The following PCDHGB4 variants were observed in gnomAD, a reference collection of about 807,000 sequenced individuals.
PCDHGB4 encodes the protein protocadherin gamma-B4.
Under a neutral mutation model 60.5 loss-of-function variants are expected in PCDHGB4, and 38 were observed. That is an observed-to-expected ratio of 0.63 (90% CI 0.48 to 0.82). PCDHGB4 has a LOEUF of 0.82. Among genes scored for constraint, PCDHGB4 ranks in the 40% least tolerant of loss-of-function variants. The pLI is 0.00. For missense variants in PCDHGB4, 1,109 were observed against 1,209.6 expected, an observed-to-expected ratio of 0.92 and a Z score of 1.23; for synonymous variants, 456 against 509.7, an observed-to-expected ratio of 0.89 and a Z score of 1.42.
chr5:141,402,422 T>C (rs1385083470), intron 1 of PCDHGB4, among the ~76,000 whole-genome samples: 2 of 151,998 alleles, frequency 1.3e-5, no homozygotes, highest in African/African-American at 2.4e-5. Context: ...CAGAAAAAAT[T>C]GAAGCATCAT....
chr5:141,431,206 G>A lies in PCDHGB4; in HGVS notation c.2397+40925G>A, dbSNP rs17097300. On this transcript the variant is annotated intron_variant, in intron 1 of 3. Coordinates refer to ENST00000519479, the MANE Select transcript of PCDHGB4 (RefSeq NM_003736.4). The surrounding 1 kb of genome is among the most constrained non-coding windows in gnomAD (Gnocchi z 4.8). ...AAATTAGTGAAAATGCAGCCACTGA[G>A]ATGCGGTTCCCTCTACCCCACGCCT... The A allele has an allele frequency of 0.041, 66,767 of 1,614,172 alleles. 3,763 individuals carry two copies. Among genetic ancestry groups the A allele is most frequent in the Admixed American group, 0.27 (16,026 of 60,028 alleles).
At chr5:141,457,736 T>G (rs1265562501) in intron 1 of PCDHGB4, among the ~76,000 whole-genome samples, 1 of 152,254 alleles carries the variant, frequency 6.6e-6, no homozygotes, top group African/African-American at 2.4e-5. Flanking sequence ...AGATTAGACT[T>G]TTAAAGCTGA....
At position 141,389,893 on chromosome 5, in the gene PCDHGB4, T is replaced by C. The variant is rs764580902; in HGVS notation, c.2009T>C (p.Leu670Pro). The change falls in exon 1 of 4, where the codon CTG (leucine) becomes CCG (proline). Residue 670 changes from leucine to proline, a missense_variant. Transcript: ENST00000519479. Reference sequence around the variant, plus strand: ...TTCGCCGACAGCTTGCAGGAGGTGCTGCCGGATATCACTGACCGCCCCGAC... The same window carrying C: ...TTCGCCGACAGCTTGCAGGAGGTGCCGCCGGATATCACTGACCGCCCCGAC... The part of the protein sequence containing the change: ...LVFADSLQEV[L>P]PDITDRPDPS... 2.9e-5 allele frequency: 46 copies of C among 1,613,976 alleles called. No individual in the cohort carries two copies. The highest frequency in any genetic ancestry group is 3.6e-5 in the Non-Finnish European group (43 of 1,179,916).
intron 1 of PCDHGB4, chr5:141,396,643 A>C (rs1271446592): frequency 6.6e-6 from 1 of 152,180 alleles, no homozygotes; most frequent in Admixed American, 6.5e-5. Context: ...ACTAATATTA[A>C]TAGTAAAAAC....
intron 1 of PCDHGB4, among the ~76,000 whole-genome samples, chr5:141,468,754 T>C (rs1205525962): frequency 6.6e-6 from 1 of 152,036 alleles, no homozygotes; most frequent in Admixed American, 6.6e-5. Flanking sequence ...TAGTCCCAGC[T>C]ACTCGGGAGG....
At chr5:141,510,824 A>G (rs947400590) in intron 3 of PCDHGB4, 123 bp from the exon 4 acceptor site, 2 of 1,563,416 alleles carry the variant, frequency 1.3e-6, no homozygotes, top group Non-Finnish European at 1.7e-6. Flanking sequence ...CTATATTCCC[A>G]GTGCTCAGCG....
chr5:141,391,744 C>T (rs559357798), intron 1 of PCDHGB4: 1 of 152,230 alleles, frequency 6.6e-6, no homozygotes, highest in South Asian at 2.1e-4. Context: ...TCATACTTAT[C>T]CTTTGGCTTC....
At position 141,487,488 on chromosome 5, in the gene PCDHGB4, G is replaced by A; in HGVS notation, c.2398-7319G>A. ...GATGTGGGAGGCCACTCTCATGGCT[G>A]TACACCCTTGGCTTCTGCACCCACT... On this transcript the variant is annotated intron_variant, in intron 1 of 3. Transcript: ENST00000519479. This position sits in a 1 kb window ranked among gnomAD's most constrained non-coding sequence, Gnocchi z 5.0. The A allele has an allele frequency of 6.2e-7, 1 of 1,614,204 alleles. No homozygotes were observed. The highest frequency in any genetic ancestry group is 8.5e-7 in the Non-Finnish European group (1 of 1,180,038).
intron 1 of PCDHGB4, chr5:141,419,490 C>G (rs2096390495): frequency 8.1e-6 from 13 of 1,612,414 alleles, no homozygotes; most frequent in Non-Finnish European, 1.1e-5. Context: ...GCGCTCAGCG[C>G]CAATGTGAGC....
chr5:141,431,719 A>G lies in PCDHGB4; in HGVS notation c.2397+41438A>G. On this transcript the variant is annotated intron_variant, in intron 1 of 3. Transcript: ENST00000519479. This position sits in a 1 kb window ranked among gnomAD's most constrained non-coding sequence, Gnocchi z 4.8. ...CAGGATTCTACCAGATGGAAGTGCA[A>G]GCAATGGATAATGCAGGATATTCTG... 6.2e-7 allele frequency: 1 copy of G among 1,614,244 alleles called. No individual in the cohort carries two copies. Among genetic ancestry groups the G allele is most frequent in the Non-Finnish European group, 8.5e-7 (1 of 1,180,050 alleles).
At chr5:141,395,147 G>A in intron 1 of PCDHGB4, 1 of 1,614,210 alleles carries the variant, frequency 6.2e-7, no homozygotes, top group Non-Finnish European at 8.5e-7. Flanking sequence ...ACGCAGACAT[G>A]CTCATCAGTC....
intron 1 of PCDHGB4, chr5:141,394,196 C>G (rs760903381): frequency 2.7e-5 from 44 of 1,613,792 alleles, no homozygotes; most frequent in African/African-American, 4.0e-5. Flanking sequence ...CAGCGTATAT[C>G]CTAGAGAACA....
In PCDHGB4 at chr5:141,489,423, C is replaced by A. The variant is rs754178145; in HGVS notation, c.2398-5384C>A. 7.4e-6 allele frequency: 12 copies of A among 1,613,982 alleles called. No homozygotes were observed. Among genetic ancestry groups the A allele is most frequent in the Non-Finnish European group, 1.0e-5 (12 of 1,180,044 alleles). On this transcript the variant is annotated intron_variant, in intron 1 of 3. Transcript: ENST00000519479. The surrounding 1 kb of genome is among the most constrained non-coding windows in gnomAD (Gnocchi z 4.5). Reference sequence around the variant, plus strand: ...GCTTAAAGATGACAGATCTGTTGAGCCGGCGGCTGCAATTGGGCTCTGAGG... The same window carrying A: ...GCTTAAAGATGACAGATCTGTTGAGACGGCGGCTGCAATTGGGCTCTGAGG...
Position 141,490,457 on chromosome 5 carries a change from T to C in PCDHGB4, c.2398-4350T>C. 1 of 1,614,214 alleles carries C rather than the reference T, an allele frequency of 6.2e-7. No homozygotes were observed. Among genetic ancestry groups the C allele is most frequent in the Non-Finnish European group, 8.5e-7 (1 of 1,180,042 alleles). ...AAGCCTTCTGAGAACCACTACTCGC[T>C]GCTAACCAGCCAGCCTTTGGACCGG... On this transcript the variant is annotated intron_variant, in intron 1 of 3. Coordinates refer to ENST00000519479, the MANE Select transcript of PCDHGB4 (RefSeq NM_003736.4). The surrounding 1 kb of genome is among the most constrained non-coding windows in gnomAD (Gnocchi z 5.4).
chr5:141,424,184 C>A, intron 1 of PCDHGB4: 1 of 199,136 alleles, frequency 5.0e-6, no homozygotes, highest in Non-Finnish European at 9.9e-6. Context: ...TACACATGCA[C>A]ACACACTTAT....
chr5:141,393,472 C>T lies in PCDHGB4; in HGVS notation c.2397+3191C>T, dbSNP rs575533120. On this transcript the variant is annotated intron_variant, in intron 1 of 3. Coordinates refer to ENST00000519479, the MANE Select transcript of PCDHGB4 (RefSeq NM_003736.4). ...CTCACGGCCTCGGATGGCGGCAAGC[C>T]GCCTCGCTCTAGCACAGTGCGCATC... 3.5e-5 allele frequency: 57 copies of T among 1,614,022 alleles called. 2 individuals carry two copies. The South Asian group carries it at 4.2e-4, about 12-fold the overall frequency.
chr5:141,436,193 A>G (rs2097801112), intron 1 of PCDHGB4, among the ~76,000 whole-genome samples: 1 of 152,156 alleles, frequency 6.6e-6, no homozygotes, highest in South Asian at 2.1e-4. Flanking sequence ...AAATAGAAAG[A>G]AAGACATAAT....
At chr5:141,464,759 ACAGG>A (rs2099090169) in intron 1 of PCDHGB4, among the ~76,000 whole-genome samples, 1 of 152,158 alleles carries the variant, frequency 6.6e-6, no homozygotes, top group Non-Finnish European at 1.5e-5. Context: ...TTTTTTAGAG[ACAGG>A]AATCTTGTTC....
chr5:141,489,483 T>G lies in PCDHGB4; in HGVS notation c.2398-5324T>G. 1.9e-6 allele frequency: 3 copies of G among 1,613,980 alleles called. No individual in the cohort carries two copies. The highest frequency in any genetic ancestry group is 2.5e-6 in the Non-Finnish European group (3 of 1,180,008). ...GCTATTTTTCCCTGAGCTTGATGAG[T>G]GGTGCCCTGGCAGTGAATCAAAAGA... On this transcript the variant is annotated intron_variant, in intron 1 of 3. Coordinates refer to ENST00000519479, the MANE Select transcript of PCDHGB4 (RefSeq NM_003736.4). This position sits in a 1 kb window ranked among gnomAD's most constrained non-coding sequence, Gnocchi z 4.5.
Sources: allele counts gnomAD v4.1 joint callset (sites outside exome capture counted in the v4.1 genomes callset), GRCh38; gene constraint gnomAD v4.1.1; non-coding constraint Gnocchi (gnomAD v3.1); transcripts MANE v1.5; gene names NCBI Gene and HGNC (gene_info 2026-07-23, HGNC 2026-07-21).